Variants in CCN6 observed in about 807,000 individuals in gnomAD.
CCN6 encodes CCN family member 6.
A neutral mutation model predicts 37.4 loss-of-function variants in CCN6; 31 were observed. The ratio of observed to expected loss-of-function variants is 0.83; its 90% CI spans 0.62 to 1.12. CCN6 has a LOEUF of 1.12. Ranked by LOEUF, CCN6 falls within the 50% of genes most tolerant of loss-of-function variation. The pLI is 0.00. For missense variants in CCN6, 369 were observed against 413.8 expected (o/e 0.89, Z 0.94); for synonymous variants, 137 against 142.1 (o/e 0.96, Z 0.26).
At chr6:112,056,547 C>T (rs782260755) in intron 1 of CCN6, among the ~76,000 whole-genome samples, 5 of 152,022 alleles carry the variant, frequency 3.3e-5, no homozygotes, top group Non-Finnish European at 4.4e-5. Flanking sequence ...GATGGAATCA[C>T]CCTCTGTTGC....
In CCN6 at chr6:112,061,158, T is replaced by C; in HGVS notation, c.216T>C (p.Cys72=). ...PPGVSLVRDG[C]GCCKICAKQP... ...GAGTGAGCCTGGTGAGAGATGGCTG[T>C]GGATGCTGTAAAATCTGTGCCAAGC... Residue 72 remains cysteine (C), a synonymous_variant, in exon 2 of 5, where the codon TGT becomes TGC. Coordinates refer to ENST00000368666, the MANE Select transcript of CCN6 (RefSeq NM_198239.2). The C allele has an allele frequency of 6.2e-7, 1 of 1,614,158 alleles. No homozygotes were observed. Among genetic ancestry groups the C allele is most frequent in the Non-Finnish European group, 8.5e-7 (1 of 1,180,012 alleles).
At chr6:112,065,601 AACACACACGC>A (rs1776662208) in intron 3 of CCN6, among the ~76,000 whole-genome samples, 2 of 144,104 alleles carry the variant, frequency 1.4e-5, no homozygotes, top group African/African-American at 5.1e-5. Flanking sequence ...CACACACACA[AACACACACGC>A]ACACACACAC....
intron 3 of CCN6, among the ~76,000 whole-genome samples, chr6:112,067,504 T>A (rs587682543): frequency 3.3e-5 from 5 of 152,272 alleles, no homozygotes; most frequent in Admixed American, 6.5e-5. Flanking sequence ...CACTGACCCA[T>A]CTATTGATCC....
intron 1 of CCN6, 158 bp downstream of exon 1, chr6:112,054,563 A>G (rs1162421946): frequency 8.4e-6 from 6 of 713,328 alleles, no homozygotes; most frequent in Non-Finnish European, 1.5e-5. Context: ...CTTTCCAAAT[A>G]AAGTTCTGTG....
At chr6:112,057,111 T>C (rs1023143006) in intron 1 of CCN6, among the ~76,000 whole-genome samples, 1 of 152,156 alleles carries the variant, frequency 6.6e-6, no homozygotes, top group Non-Finnish European at 1.5e-5. Flanking sequence ...GGAGTGTGCA[T>C]TTCATTAGAA....
chr6:112,063,364 G>C (rs965305581), intron 2 of CCN6, among the ~76,000 whole-genome samples: 1 of 152,034 alleles, frequency 6.6e-6, no homozygotes, highest in East Asian at 1.9e-4. Flanking sequence ...ATGAACTTTC[G>C]ACTCTGTGAC....
chr6:112,065,656 GCA>G (rs1334465136), intron 3 of CCN6, among the ~76,000 whole-genome samples: 1 of 132,736 alleles, frequency 7.5e-6, no homozygotes, highest in African/African-American at 3.0e-5. Context: ...ACACACACAT[GCA>G]CACACACAGG....
upstream of CCN6, chr6:112,054,094 G>A (rs587621275): frequency 1.7e-5 from 11 of 632,670 alleles, no homozygotes; most frequent in East Asian, 1.4e-4. Context: ...CGGGAGGAAA[G>A]TGCTCGCCCA....
intron 3 of CCN6, 126 bp from the exon 4 acceptor site, chr6:112,068,079 C>A: frequency 1.2e-6 from 1 of 817,068 alleles, no homozygotes. Context: ...CCATCGGCTT[C>A]TTTTATTCTG....
chr6:112,060,999 C>T lies in CCN6; in HGVS notation c.57C>T (p.Cys19=), dbSNP rs1554312672. The T allele has an allele frequency of 6.2e-7, 1 of 1,614,062 alleles. No individual in the cohort carries two copies. Among genetic ancestry groups the T allele is most frequent in the South Asian group, 1.1e-5 (1 of 91,084 alleles). ...LLLAGLAQFC[C]RVQGTGPLDT... is the part of the protein sequence containing the mutation. ...TTTATTATCAAATGAAGTTCTGCTG[C>T]AGGGTACAGGGCACTGGACCATTAG... The change falls in exon 2 of 5, where the codon TGC becomes TGT. Residue 19 remains cysteine, a synonymous_variant. Transcript: ENST00000368666.
In CCN6 at chr6:112,061,053, A is replaced by G. The variant is rs1554312721; in HGVS notation, c.111A>G (p.Glu37=). Residue 37 remains glutamate, a synonymous_variant, in exon 2 of 5, where the codon GAA becomes GAG. Coordinates refer to ENST00000368666, the MANE Select transcript of CCN6 (RefSeq NM_198239.2). ...LDTTPEGRPG[E]VSDAPQRKQF... ...CAACACCTGAAGGAAGGCCTGGAGAAGTGTCAGATGCACCTCAGCGTAAAC... is the reference window on the plus strand; with the variant it reads ...CAACACCTGAAGGAAGGCCTGGAGAGGTGTCAGATGCACCTCAGCGTAAAC... 6.2e-7 allele frequency: 1 copy of G among 1,614,176 alleles called. No homozygotes were observed. The highest frequency in any genetic ancestry group is 8.5e-7 in the Non-Finnish European group (1 of 1,180,032).
In CCN6 at chr6:112,054,213, T is replaced by C. The variant is rs1776276166; in HGVS notation, c.-145T>C. The C allele has an allele frequency of 9.3e-7, 1 of 1,072,154 alleles. No individual in the cohort carries two copies. The highest frequency in any genetic ancestry group is 1.6e-5 in the African/African-American group (1 of 64,376). 66.4% of individuals were successfully genotyped at this position (1,072,154 alleles called of 1,614,324 possible). A position where few individuals can be genotyped will look rare whatever the true frequency, so the allele number is the denominator to read the frequency against. ...TAAAAATGAAAGTGCAGGCTGAAAG[T>C]TGGTAGTGTGGGAGGTAGAGGGTGT... On this transcript the variant is annotated 5_prime_UTR_variant, in exon 1 of 5. Transcript: ENST00000368666.
At chr6:112,065,606 ACACG>A (rs1250818540) in intron 3 of CCN6, among the ~76,000 whole-genome samples, 1 of 132,180 alleles carries the variant, frequency 7.6e-6, no homozygotes, top group African/African-American at 3.1e-5. Context: ...ACACAAACAC[ACACG>A]CACACACACA....
intron 3 of CCN6, 132 bp downstream of exon 3, chr6:112,065,129 T>C (rs1554313678): frequency 7.1e-7 from 1 of 1,400,268 alleles, no homozygotes; most frequent in Non-Finnish European, 1.0e-6. Flanking sequence ...GAGTGTATCA[T>C]TTTACTTAAT....
chr6:112,061,464 T>A, intron 2 of CCN6, 176 bp downstream of exon 2: 1 of 752,680 alleles, frequency 1.3e-6, no homozygotes, highest in Non-Finnish European at 2.2e-6. Flanking sequence ...AATTAGCAGA[T>A]GCTTACACAC....
In CCN6 at chr6:112,068,408, A is replaced by C. The variant is rs782059601; in HGVS notation, c.783+10A>C. Reference sequence around the variant, plus strand: ...ATTAAAGACAATAAAGGTAAAGTTTAAATATATTTAACTTAATTCAATATT... The same window carrying C: ...ATTAAAGACAATAAAGGTAAAGTTTCAATATATTTAACTTAATTCAATATT... On this transcript the variant is annotated intron_variant, in intron 4 of 4. Transcript: ENST00000368666. 1 of 1,593,654 alleles carries C rather than the reference A, an allele frequency of 6.3e-7. No homozygotes were observed. Among genetic ancestry groups the C allele is most frequent in the Non-Finnish European group, 8.6e-7 (1 of 1,168,330 alleles).
At position 112,069,411 on chromosome 6, in the gene CCN6, T is replaced by A; in HGVS notation, c.856T>A (p.Ser286Thr). ...KAEKFVFSGC[S>T]STQSYKPTFC... ...TGAAAAATTTGTCTTTTCTGGATGCTCAAGTACTCAGAGTTACAAACCCAC... is the reference window on the plus strand; with the variant it reads ...TGAAAAATTTGTCTTTTCTGGATGCACAAGTACTCAGAGTTACAAACCCAC... The change falls in exon 5 of 5, where the codon TCA (serine) becomes ACA (threonine). Residue 286 changes from serine to threonine, a missense_variant. Transcript: ENST00000368666. 1 of 1,613,766 alleles carries A rather than the reference T, an allele frequency of 6.2e-7. No homozygotes were observed. Among genetic ancestry groups the A allele is most frequent in the Non-Finnish European group, 8.5e-7 (1 of 1,179,894 alleles).
chr6:112,058,414 A>G (rs1273059909), intron 1 of CCN6, among the ~76,000 whole-genome samples: 1 of 152,234 alleles, frequency 6.6e-6, no homozygotes, highest in Non-Finnish European at 1.5e-5. Flanking sequence ...AATAAACATT[A>G]AGAGTTATTT....
intron 1 of CCN6, among the ~76,000 whole-genome samples, chr6:112,058,600 G>T (rs1776417860): frequency 6.6e-6 from 1 of 152,198 alleles, no homozygotes; most frequent in South Asian, 2.1e-4. Context: ...TTCTGGAAAA[G>T]ATGATACTGA....
Sources: allele counts gnomAD v4.1 joint callset (sites outside exome capture counted in the v4.1 genomes callset), GRCh38; gene constraint gnomAD v4.1.1; transcripts MANE v1.5; gene names NCBI Gene and HGNC (gene_info 2026-07-23, HGNC 2026-07-21).